Variants in FHIT observed in about 807,000 individuals in gnomAD.
The protein encoded by FHIT is bis(5'-adenosyl)-triphosphatase.
FHIT carries 19 observed loss-of-function variants against 17.9 expected under a neutral mutation model. The ratio of observed to expected loss-of-function variants is 1.06; its 90% confidence interval spans 0.74 to 1.56. The LOEUF (loss-of-function observed/expected upper bound fraction) is 1.56. Ranked by LOEUF, FHIT falls within the 40% of genes most tolerant of loss-of-function variation. The pLI is 0.00. For synonymous variants in FHIT, 81 were observed against 69.7 expected (o/e 1.16, Z -0.81); for missense variants, 248 against 189.2 (o/e 1.31, Z -1.82).
chr3:60,229,807 A>G (rs1042147611), intron 5 of FHIT, among the ~76,000 whole-genome samples: 9 of 152,164 alleles, frequency 5.9e-5, no homozygotes, highest in African/African-American at 2.4e-5. Flanking sequence ...AAGCAAGTCC[A>G]TATCTCTAAA....
intron 5 of FHIT, among the ~76,000 whole-genome samples, chr3:60,148,661 T>C (rs1700338832): frequency 6.6e-6 from 1 of 152,148 alleles, no homozygotes; most frequent in Admixed American, 6.6e-5. Context: ...AAAGACCAAA[T>C]ATCTGCCAGT....
At position 61,062,647 on chromosome 3, in the gene FHIT, G is replaced by C. The variant is rs117948554; in HGVS notation, c.-163-20548C>G. Among the ~76,000 whole-genome samples, 308 of 152,212 alleles carry C rather than the reference G, an allele frequency of 2.0e-3. 11 individuals carry two copies. In the East Asian group the frequency reaches 0.054, roughly 27 times the overall value. On this transcript the variant is annotated intron_variant, in intron 2 of 9. Transcript: ENST00000492590. ...ATAAACTAAAATATCCACTGCTTTT[G>C]GACAGTATAAATGCAGAATATGCCC...
chr3:59,854,143 C>T (rs1232464404), intron 8 of FHIT, among the ~76,000 whole-genome samples: 2 of 152,106 alleles, frequency 1.3e-5, no homozygotes, highest in African/African-American at 2.4e-5. Context: ...TATCAAAAGT[C>T]GTTAGCCCTG....
At chr3:59,914,558 G>T (rs977830604) in intron 8 of FHIT, among the ~76,000 whole-genome samples, 2 of 152,112 alleles carry the variant, frequency 1.3e-5, no homozygotes, top group African/African-American at 4.8e-5. Context: ...AATGACAGGT[G>T]ATAATTTAAA....
intron 5 of FHIT, among the ~76,000 whole-genome samples, chr3:60,097,725 T>C (rs1386672085): frequency 2.0e-5 from 3 of 152,056 alleles, no homozygotes; most frequent in Non-Finnish European, 2.9e-5. Flanking sequence ...AATTTTATTA[T>C]TATTATACTT....
chr3:60,418,158 CTG>C (rs901912244), intron 5 of FHIT, among the ~76,000 whole-genome samples: 1 of 151,776 alleles, frequency 6.6e-6, no homozygotes, highest in Non-Finnish European at 1.5e-5. Context: ...AAAGACTAAA[CTG>C]TATTTAGATG....
chr3:59,836,629 G>C (rs1701349624), intron 8 of FHIT, among the ~76,000 whole-genome samples: 2 of 152,166 alleles, frequency 1.3e-5, no homozygotes, highest in Admixed American at 1.3e-4. Context: ...AATCAAATCA[G>C]TATGGGCTGA....
At chr3:61,240,212 G>A (rs2040340714) in intron 1 of FHIT, among the ~76,000 whole-genome samples, 1 of 152,186 alleles carries the variant, frequency 6.6e-6, no homozygotes, top group Non-Finnish European at 1.5e-5. Flanking sequence ...GCAGAACCCA[G>A]CAAATGGGAT....
At chr3:60,861,343 A>G (rs1259915951) in intron 3 of FHIT, among the ~76,000 whole-genome samples, 1 of 139,318 alleles carries the variant, frequency 7.2e-6, no homozygotes, top group African/African-American at 2.9e-5. Context: ...AGCCTACTTC[A>G]GGGTTTCTCA....
chr3:60,270,974 A>G (rs1247468325), intron 5 of FHIT, among the ~76,000 whole-genome samples: 1 of 152,214 alleles, frequency 6.6e-6, no homozygotes, highest in Non-Finnish European at 1.5e-5. Flanking sequence ...CGAAATCAGT[A>G]ATAGAGGACT....
intron 2 of FHIT, among the ~76,000 whole-genome samples, chr3:61,173,063 C>T (rs531421382): frequency 6.6e-6 from 1 of 152,224 alleles, no homozygotes; most frequent in East Asian, 1.9e-4. Flanking sequence ...GCCATGTCTT[C>T]CCAGGGATGT....
intron 3 of FHIT, among the ~76,000 whole-genome samples, chr3:60,963,588 C>A (rs900697103): frequency 6.6e-6 from 1 of 152,184 alleles, no homozygotes; most frequent in South Asian, 2.1e-4. Flanking sequence ...TTTCCCTCTA[C>A]ACACTGCTTT....
intron 4 of FHIT, among the ~76,000 whole-genome samples, chr3:60,565,328 T>A (rs140672658): frequency 2.6e-5 from 4 of 152,166 alleles, no homozygotes; most frequent in African/African-American, 4.8e-5. Context: ...GGCATGGAGG[T>A]GGGCATACTA....
intron 4 of FHIT, among the ~76,000 whole-genome samples, chr3:60,550,849 C>T (rs954599534): frequency 6.6e-6 from 1 of 152,022 alleles, no homozygotes; most frequent in Admixed American, 6.6e-5. Context: ...ATTCTAGGCA[C>T]AGGGTGCATA....
At chr3:60,511,354 C>T (rs916008581) in intron 5 of FHIT, among the ~76,000 whole-genome samples, 11 of 152,070 alleles carry the variant, frequency 7.2e-5, no homozygotes, top group African/African-American at 2.7e-4. Flanking sequence ...AGAATGTCTC[C>T]TTCTACACAG....
chr3:60,853,001 T>C (rs1703215331), intron 3 of FHIT, among the ~76,000 whole-genome samples: 1 of 152,146 alleles, frequency 6.6e-6, no homozygotes. Context: ...TTAATTTAAT[T>C]GGATACTTAA....
rs562782116 is a variant in FHIT at position 59,758,990 on chromosome 3, G to A, written c.349-6669C>T. Among the ~76,000 whole-genome samples the A allele has an allele frequency of 1.2e-3, 178 of 152,132 alleles. 2 individuals carry two copies. Among genetic ancestry groups the A allele is most frequent in the Admixed American group, 8.8e-3 (135 of 15,286 alleles). On this transcript the variant is annotated intron_variant, in intron 8 of 9. Coordinates refer to ENST00000492590, the MANE Select transcript of FHIT (RefSeq NM_002012.4). ...AATAATTTCATGTTATAAGAACTCC[G>A]TCAAAAAATGGTATGGGGGATGGTA... is the stretch of plus-strand genomic sequence containing the variant.
At chr3:60,639,531 C>A (rs2039674068) in intron 4 of FHIT, among the ~76,000 whole-genome samples, 1 of 152,068 alleles carries the variant, frequency 6.6e-6, no homozygotes, top group Non-Finnish European at 1.5e-5. Flanking sequence ...TTGAGAAACT[C>A]AAAAGGCTTG....
intron 5 of FHIT, among the ~76,000 whole-genome samples, chr3:60,250,484 G>C (rs1705643908): frequency 6.6e-6 from 1 of 152,170 alleles, no homozygotes; most frequent in Non-Finnish European, 1.5e-5. Context: ...AGTCATGGGT[G>C]ACTTGTTAGC....
Sources: allele counts gnomAD v4.1 joint callset (sites outside exome capture counted in the v4.1 genomes callset), GRCh38; gene constraint gnomAD v4.1.1; transcripts MANE v1.5; gene names NCBI Gene and HGNC (gene_info 2026-07-23, HGNC 2026-07-21).